TENM3: variants seen among roughly 807,000 people sequenced by gnomAD.
TENM3 encodes the protein teneurin-3.
Under a neutral mutation model 255.1 loss-of-function variants are expected in TENM3, and 63 were observed. The observed-to-expected ratio is 0.25, with a 90% confidence interval of 0.20 to 0.30. TENM3 has a LOEUF of 0.30. Among genes scored for constraint, TENM3 ranks in the 10% least tolerant of loss-of-function variants. TENM3 has a pLI of 1.00. For missense variants in TENM3, 2,929 were observed against 3,461.1 expected (o/e 0.85, Z 3.86); for synonymous variants, 1,306 against 1,322.3 (o/e 0.99, Z 0.27).
chr4:181,505,769 G>A, the TENM3 span, among the ~76,000 whole-genome samples: 1 of 152,094 alleles, frequency 6.6e-6, no homozygotes, highest in African/African-American at 2.4e-5. Flanking sequence ...AATTCAATTA[G>A]GGTTCTCTGC....
intron 3 of TENM3, among the ~76,000 whole-genome samples, chr4:182,419,312 AC>A (rs752515939): frequency 1.3e-5 from 2 of 152,186 alleles, no homozygotes; most frequent in Non-Finnish European, 2.9e-5. Flanking sequence ...AATCAAAATC[AC>A]AATGAGATAC....
At chr4:181,733,349 T>G in the TENM3 span, among the ~76,000 whole-genome samples, 1 of 152,366 alleles carries the variant, frequency 6.6e-6, no homozygotes, top group East Asian at 1.9e-4. Context: ...GCTATGTTTC[T>G]GAAAGACTTG....
the TENM3 span, among the ~76,000 whole-genome samples, chr4:181,859,113 G>A: frequency 5.1e-3 from 765 of 151,276 alleles, 11 homozygotes; most frequent in African/African-American, 0.016. Context: ...TTTTGGCCAC[G>A]CGCCTGTAGT....
In TENM3 at chr4:182,771,405, A is replaced by G. The variant is rs193045628; in HGVS notation, c.4893-2067A>G. On this transcript the variant is annotated intron_variant, in intron 22 of 27. Coordinates refer to ENST00000511685, the MANE Select transcript of TENM3 (RefSeq NM_001080477.4). Reference sequence around the variant, plus strand: ...GGCTAGTGGGCCTGGGGTCAGCTGCACAAAAGTCCCAGTTATGGTCCAGTC... The same window carrying G: ...GGCTAGTGGGCCTGGGGTCAGCTGCGCAAAAGTCCCAGTTATGGTCCAGTC... 5.4e-3 allele frequency among the ~76,000 whole-genome samples: 825 copies of G among 151,418 alleles called. 3 individuals are homozygous for G. The highest frequency in any genetic ancestry group is 0.018 in the South Asian group (84 of 4,694).
chr4:182,716,994 CA>C (rs1759243092), intron 13 of TENM3, among the ~76,000 whole-genome samples: 2 of 152,138 alleles, frequency 1.3e-5, no homozygotes, highest in South Asian at 4.2e-4. Context: ...ATAGTTTGAG[CA>C]ATTTTGTAGA....
At chr4:182,520,503 A>G (rs1738462320) in intron 3 of TENM3, among the ~76,000 whole-genome samples, 1 of 152,162 alleles carries the variant, frequency 6.6e-6, no homozygotes, top group African/African-American at 2.4e-5. Flanking sequence ...TTGAGCACTC[A>G]TTTCTGAATT....
At chr4:182,572,458 G>A (rs979321901) in intron 3 of TENM3, among the ~76,000 whole-genome samples, 1 of 152,148 alleles carries the variant, frequency 6.6e-6, no homozygotes, top group East Asian at 1.9e-4. Flanking sequence ...CTTCAGTACC[G>A]TCATGGTAAA....
chr4:182,210,034 C>T (rs541157442), intron 1 of TENM3, among the ~76,000 whole-genome samples: 10 of 152,268 alleles, frequency 6.6e-5, no homozygotes, highest in East Asian at 1.9e-4. Context: ...CTCCCTGTGC[C>T]GCATCCTCCG....
the TENM3 span, among the ~76,000 whole-genome samples, chr4:181,800,764 T>A: frequency 1.3e-5 from 2 of 152,164 alleles, no homozygotes; most frequent in Admixed American, 6.6e-5. Flanking sequence ...CCTCTTAGGG[T>A]CATTGTGAGG....
rs2151029951 is a variant in TENM3 at position 182,401,485 on chromosome 4, A to G, written c.511+54556A>G. 1.3e-5 allele frequency among the ~76,000 whole-genome samples: 2 copies of G among 152,324 alleles called. 1 individual carries two copies. Among genetic ancestry groups the G allele is most frequent in the South Asian group, 4.1e-4 (2 of 4,822 alleles). On this transcript the variant is annotated intron_variant, in intron 3 of 27. Coordinates refer to ENST00000511685, the MANE Select transcript of TENM3 (RefSeq NM_001080477.4). ...CTCCTTGCTCATTTCGTCCTAAATG[A>G]CTTTTGATATAAGGCCAAACTTTGT...
At chr4:182,015,845 C>T in the TENM3 span, among the ~76,000 whole-genome samples, 1 of 152,122 alleles carries the variant, frequency 6.6e-6, no homozygotes, top group African/African-American at 2.4e-5. Context: ...CTGCGCCTGG[C>T]CTGATTTTAA....
At chr4:182,019,255 G>C in the TENM3 span, among the ~76,000 whole-genome samples, 1 of 152,098 alleles carries the variant, frequency 6.6e-6, no homozygotes, top group Non-Finnish European at 1.5e-5. Context: ...CCTGTGAACC[G>C]AATGTGAAAA....
At chr4:182,025,114 C>T in the TENM3 span, among the ~76,000 whole-genome samples, 4 of 150,492 alleles carry the variant, frequency 2.7e-5, no homozygotes, top group Admixed American at 6.6e-5. Context: ...CTGCAAGCTC[C>T]GCCTTGCGGG....
chr4:182,533,882 C>G (rs1740019413), intron 3 of TENM3, among the ~76,000 whole-genome samples: 1 of 151,838 alleles, frequency 6.6e-6, no homozygotes, highest in Non-Finnish European at 1.5e-5. Flanking sequence ...GCACCCCAGC[C>G]TGGGCGACAG....
rs1180374042 is a variant in TENM3 at position 182,802,924 on chromosome 4, C to G, written c.*2573C>G. On this transcript the variant is annotated 3_prime_UTR_variant, in exon 28 of 28. Coordinates refer to ENST00000511685, the MANE Select transcript of TENM3 (RefSeq NM_001080477.4). ...TAAATTTTGTCTGATTTGTATTGTTCTTTTCATTTGCCTTCTTAACTTTAT... is the reference window on the plus strand; with the variant it reads ...TAAATTTTGTCTGATTTGTATTGTTGTTTTCATTTGCCTTCTTAACTTTAT... 2.6e-5 allele frequency: 4 copies of G among 152,576 alleles called. No individual in the cohort carries two copies. The highest frequency in any genetic ancestry group is 9.7e-5 in the African/African-American group (4 of 41,418). 9.5% of individuals were successfully genotyped at this position (152,576 alleles called of 1,614,324 possible).
chr4:181,683,517 G>A, the TENM3 span, among the ~76,000 whole-genome samples: 2 of 152,168 alleles, frequency 1.3e-5, no homozygotes, highest in African/African-American at 4.8e-5. Flanking sequence ...CTAGTGGGGG[G>A]GCCAAGAATT....
At chr4:182,715,865 C>T (rs577722208) in intron 13 of TENM3, among the ~76,000 whole-genome samples, 16 of 152,298 alleles carry the variant, frequency 1.1e-4, no homozygotes, top group Admixed American at 4.6e-4. Flanking sequence ...GCAATTCTCT[C>T]CTTTAGTTTC....
chr4:181,793,111 C>G, the TENM3 span, among the ~76,000 whole-genome samples: 237 of 152,308 alleles, frequency 1.6e-3, 2 homozygotes, highest in African/African-American at 5.6e-3. Context: ...AGATGTTCTG[C>G]TCTCCTTGCC....
At chr4:181,996,764 G>A in the TENM3 span, among the ~76,000 whole-genome samples, 154 of 152,254 alleles carry the variant, frequency 1.0e-3, no homozygotes, top group African/African-American at 3.4e-3. Context: ...AAGAAATCAC[G>A]ATCAGCAGAA....
Sources: allele counts gnomAD v4.1 joint callset (sites outside exome capture counted in the v4.1 genomes callset), GRCh38; gene constraint gnomAD v4.1.1; transcripts MANE v1.5; gene names NCBI Gene and HGNC (gene_info 2026-07-23, HGNC 2026-07-21).